NCKAP5: variants seen among roughly 807,000 people sequenced by gnomAD.
The protein encoded by NCKAP5 is NCK associated protein 5, also known as nck-associated protein 5.
In NCKAP5, 92 loss-of-function variants were observed where a neutral mutation model predicts 167.0. That is an observed-to-expected ratio of 0.55 (90% CI 0.47 to 0.66). The LOEUF (loss-of-function observed/expected upper bound fraction) is 0.66. Among genes scored for constraint, NCKAP5 ranks in the 30% least tolerant of loss-of-function variants. The probability of loss-of-function intolerance (pLI) is 0.00; values close to 1 mark genes in which losing one functional copy is unlikely to be tolerated. For missense variants in NCKAP5, 2,378 were observed against 2,315.0 expected (o/e 1.03, Z -0.56); for synonymous variants, 891 against 877.4 (o/e 1.02, Z -0.27).
In NCKAP5 at chr2:133,303,044, G is replaced by C. The variant is rs1680511989; in HGVS notation, c.136C>G (p.Leu46Val). 6.3e-7 allele frequency: 1 copy of C among 1,599,548 alleles called. No homozygotes were observed. The highest frequency in any genetic ancestry group is 1.3e-5 in the African/African-American group (1 of 74,754). The change falls in exon 4 of 20, where the codon CTC becomes GTC. Residue 46 changes from leucine (L) to valine (V), a missense_variant. Coordinates refer to ENST00000409261, the MANE Select transcript of NCKAP5 (RefSeq NM_207363.3). The stretch of plus-strand genomic sequence containing the variant: ...AACATGAATTGAACTCACCTCCAGA[G>C]ACTCCTGTGTTGCTCCTCAAGCTGA... ...LTQLEEQHRS[L>V]WREKLAVARL...
At position 132,781,977 on chromosome 2, in the gene NCKAP5, A is replaced by G; in HGVS notation, c.4834T>C (p.Ser1612Pro). ...PRNRHSPVACSTKDTFMTELL... is the reference protein window; with the variant it reads ...PRNRHSPVACPTKDTFMTELL... ...TCCGTCATGAAGGTGTCTTTCGTTGAACATGCAACAGGGCTGTGTCTATTC... is the reference window on the plus strand; with the variant it reads ...TCCGTCATGAAGGTGTCTTTCGTTGGACATGCAACAGGGCTGTGTCTATTC... The change falls in exon 14 of 20, where the codon TCA becomes CCA. Residue 1612 changes from serine (S) to proline (P), a missense_variant. By Grantham distance (74) the Ser-to-Pro change is moderately conservative. Coordinates refer to ENST00000409261, the MANE Select transcript of NCKAP5 (RefSeq NM_207363.3). The G allele has an allele frequency of 6.2e-7, 1 of 1,613,534 alleles. No individual in the cohort carries two copies. The highest frequency in any genetic ancestry group is 8.5e-7 in the Non-Finnish European group (1 of 1,179,656).
chr2:132,886,699 A>G (rs1404981256), intron 8 of NCKAP5, among the ~76,000 whole-genome samples: 1 of 152,168 alleles, frequency 6.6e-6, no homozygotes, highest in Non-Finnish European at 1.5e-5. Context: ...ATAGATTTTA[A>G]TATTTATGGC....
rs548718081 is a variant in NCKAP5 at position 133,521,123 on chromosome 2, A to G, written c.-61-3536T>C. The stretch of plus-strand genomic sequence containing the variant: ...ATGAAAATATCAGAAAGGCTGAAAC[A>G]TTCCATTGATCGCACTATTGGGAAA... On this transcript the variant is annotated intron_variant, in intron 2 of 19. Coordinates refer to ENST00000409261, the MANE Select transcript of NCKAP5 (RefSeq NM_207363.3). Among the ~76,000 whole-genome samples, 44 of 152,366 alleles carry G rather than the reference A, an allele frequency of 2.9e-4. No homozygotes were observed. The East Asian group carries it at 8.3e-3, about 29-fold the overall frequency.
intron 6 of NCKAP5, among the ~76,000 whole-genome samples, chr2:133,116,792 GC>G (rs2082098829): frequency 6.6e-6 from 1 of 152,134 alleles, no homozygotes; most frequent in Non-Finnish European, 1.5e-5. Flanking sequence ...TGTGGCCTTT[GC>G]AAATTGCTTA....
intron 5 of NCKAP5, among the ~76,000 whole-genome samples, chr2:133,137,298 T>G (rs1267365086): frequency 6.6e-6 from 1 of 152,036 alleles, no homozygotes. Context: ...GAATCAGATT[T>G]TGAGATGCAA....
chr2:133,537,439 T>C (rs527822101), intron 2 of NCKAP5, among the ~76,000 whole-genome samples: 1 of 152,270 alleles, frequency 6.6e-6, no homozygotes, highest in African/African-American at 2.4e-5. Flanking sequence ...GAAAATTTGA[T>C]GTCTTTCCAT....
chr2:133,617,927 C>A, the NCKAP5 span, among the ~76,000 whole-genome samples: 27 of 151,982 alleles, frequency 1.8e-4, no homozygotes, highest in East Asian at 3.9e-4. Flanking sequence ...CAGTAACCAA[C>A]ACAGCATGGT....
intron 11 of NCKAP5, among the ~76,000 whole-genome samples, chr2:132,825,837 G>A (rs889790942): frequency 6.6e-6 from 1 of 152,200 alleles, no homozygotes; most frequent in Non-Finnish European, 1.5e-5. Context: ...ATCACTTAAC[G>A]TAATTGTAGT....
intron 3 of NCKAP5, among the ~76,000 whole-genome samples, chr2:133,485,828 G>A (rs1280288541): frequency 6.6e-6 from 1 of 152,128 alleles, no homozygotes. Context: ...CTACTAACAA[G>A]CTGTTTCTTT....
intron 6 of NCKAP5, among the ~76,000 whole-genome samples, chr2:132,997,480 G>C (rs1318092042): frequency 1.3e-5 from 2 of 152,104 alleles, no homozygotes; most frequent in East Asian, 3.9e-4. Context: ...TGTCTCATCT[G>C]TTCATCATTA....
chr2:133,318,581 G>T (rs1310977535), intron 3 of NCKAP5, among the ~76,000 whole-genome samples: 1 of 152,114 alleles, frequency 6.6e-6, no homozygotes, highest in Non-Finnish European at 1.5e-5. Context: ...CAGGAGAAAA[G>T]TTTCTTCTCT....
intron 8 of NCKAP5, among the ~76,000 whole-genome samples, chr2:132,954,104 C>T (rs992265476): frequency 6.6e-6 from 1 of 152,162 alleles, no homozygotes; most frequent in South Asian, 2.1e-4. Context: ...AGTTATATAG[C>T]CATCCTTCCT....
intron 5 of NCKAP5, among the ~76,000 whole-genome samples, chr2:133,171,791 G>C (rs2084261282): frequency 6.6e-6 from 1 of 152,196 alleles, no homozygotes; most frequent in Non-Finnish European, 1.5e-5. Flanking sequence ...CCACAACTGA[G>C]ATGCAGCAAC....
intron 3 of NCKAP5, among the ~76,000 whole-genome samples, chr2:133,406,917 CTGTGGCT>C (rs1230072246): frequency 6.6e-6 from 1 of 152,048 alleles, no homozygotes; most frequent in Non-Finnish European, 1.5e-5. Flanking sequence ...ACTGTTCTCT[CTGTGGCT>C]GGGGACAGCC....
intron 3 of NCKAP5, among the ~76,000 whole-genome samples, chr2:133,399,620 T>C (rs1687973713): frequency 6.6e-6 from 1 of 152,168 alleles, no homozygotes; most frequent in African/African-American, 2.4e-5. Flanking sequence ...AGAACAACTT[T>C]AACAGATTAT....
At position 133,157,226 on chromosome 2, in the gene NCKAP5, G is replaced by T. The variant is rs529766636; in HGVS notation, c.208-27115C>A. Among the ~76,000 whole-genome samples, 8 of 152,204 alleles carry T rather than the reference G, an allele frequency of 5.3e-5. No homozygotes were observed. The East Asian group carries it at 1.2e-3, about 22-fold the overall frequency. ...TCAAATCAGGCTGTAGGTAACAAGC[G>T]GGCCCATCAAATGGTGGTCTACTTT... On this transcript the variant is annotated intron_variant, in intron 5 of 19. Transcript: ENST00000409261.
chr2:133,282,633 G>A (rs766805493), intron 4 of NCKAP5, among the ~76,000 whole-genome samples: 1 of 152,158 alleles, frequency 6.6e-6, no homozygotes, highest in Non-Finnish European at 1.5e-5. Context: ...ATGCTGAATA[G>A]GGCTATCATA....
intron 4 of NCKAP5, among the ~76,000 whole-genome samples, chr2:133,285,389 T>G (rs1210007714): frequency 2.0e-5 from 3 of 152,144 alleles, no homozygotes; most frequent in Admixed American, 2.0e-4. Context: ...AAAATTATGA[T>G]GAGGAAGATA....
intron 19 of NCKAP5, among the ~76,000 whole-genome samples, chr2:132,695,587 G>A (rs74430800): frequency 0.03 from 4,536 of 152,258 alleles, 224 homozygotes; most frequent in African/African-American, 0.1. Flanking sequence ...GCAAGGAAAT[G>A]TGCCAGTCTT....
Sources: gnomAD v4.1 joint callset for allele counts (sites outside exome capture counted in the v4.1 genomes callset) on GRCh38, gnomAD v4.1.1 for gene constraint, MANE v1.5 for transcripts, NCBI Gene and HGNC (gene_info 2026-07-23, HGNC 2026-07-21) for gene names.